The following RBFOX1 variants were observed in gnomAD, a reference collection of about 807,000 sequenced individuals.
The protein encoded by RBFOX1 is RNA binding fox-1 homolog 1.
Under a neutral mutation model 57.7 loss-of-function variants are expected in RBFOX1, and 8 were observed. The ratio of observed to expected loss-of-function variants is 0.14; its 90% confidence interval spans 0.08 to 0.25. The LOEUF is 0.25. Among genes scored for constraint, RBFOX1 ranks in the 10% least tolerant of loss-of-function variants. The probability of loss-of-function intolerance (pLI) is 1.00; values close to 1 mark genes in which losing one functional copy is unlikely to be tolerated. For synonymous variants in RBFOX1, 326 were observed against 222.4 expected (o/e 1.47, Z -4.15); for missense variants, 611 against 548.5 (o/e 1.11, Z -1.14).
intron 4 of RBFOX1, among the ~76,000 whole-genome samples, chr16:7,206,883 G>A (rs936384158): frequency 3.9e-5 from 6 of 152,106 alleles, no homozygotes; most frequent in East Asian, 1.9e-4. Flanking sequence ...TGGAGAAACC[G>A]TCTTAACTTG....
At chr16:6,781,537 C>T (rs2154236169) in intron 3 of RBFOX1, among the ~76,000 whole-genome samples, 1 of 152,240 alleles carries the variant, frequency 6.6e-6, no homozygotes, top group Non-Finnish European at 1.5e-5. Flanking sequence ...TAGAATTCAA[C>T]AGTGAAGCCA....
At chr16:6,563,189 T>C (rs1264503848) in intron 2 of RBFOX1, among the ~76,000 whole-genome samples, 5 of 152,172 alleles carry the variant, frequency 3.3e-5, no homozygotes, top group Non-Finnish European at 7.3e-5. Flanking sequence ...TCTCTCTGAA[T>C]TAGTTCTAGT....
intron 2 of RBFOX1, among the ~76,000 whole-genome samples, chr16:6,642,599 A>G (rs1169329580): frequency 2.6e-5 from 4 of 152,088 alleles, no homozygotes; most frequent in African/African-American, 9.7e-5. Context: ...CACACTCCAA[A>G]AAAAAAGTAA....
rs374486427 is a variant in RBFOX1, at chr16:5,575,056, T to G, written c.259-23846T>G. ...TTGTGATAATCAGGGCCATTCACCT[T>G]GTGATATAACAGCATCTCCTGAAGG... On this transcript the variant is annotated intron_variant, in intron 2 of 2. Coordinates refer to the RBFOX1 transcript ENST00000585867. Among the ~76,000 whole-genome samples, 12 of 152,316 alleles carry G rather than the reference T, an allele frequency of 7.9e-5. No individual in the cohort carries two copies. The East Asian group carries it at 2.1e-3, about 27-fold the overall frequency.
chr16:6,012,672 T>C (rs528741651), intron 4 of RBFOX1, among the ~76,000 whole-genome samples: 2 of 152,304 alleles, frequency 1.3e-5, no homozygotes, highest in East Asian at 3.9e-4. Context: ...TGCAGCAGTA[T>C]GGTAGTTTTG....
intron 4 of RBFOX1, among the ~76,000 whole-genome samples, chr16:7,285,468 C>T (rs2095632295): frequency 6.6e-6 from 1 of 151,810 alleles, no homozygotes; most frequent in South Asian, 2.1e-4. Context: ...GTCTGTGCAT[C>T]CAACACCACA....
chr16:5,632,514 G>A (rs1403577075), intron 3 of RBFOX1: 1 of 152,202 alleles, frequency 6.6e-6, no homozygotes, highest in Admixed American at 6.5e-5. Flanking sequence ...TTTTCAGCAA[G>A]GCAAGGGCTT....
chr16:6,372,532 A>G (rs2090588182), intron 2 of RBFOX1, among the ~76,000 whole-genome samples: 2 of 151,172 alleles, frequency 1.3e-5, no homozygotes, highest in Admixed American at 6.6e-5. Context: ...GCTGGTTAGG[A>G]TCTTTGGGTA....
chr16:7,174,827 A>G (rs1021762253), intron 4 of RBFOX1, among the ~76,000 whole-genome samples: 3 of 152,188 alleles, frequency 2.0e-5, no homozygotes, highest in Non-Finnish European at 2.9e-5. Flanking sequence ...GTATTTTTCC[A>G]AAGCGGTTGC....
intron 2 of RBFOX1, among the ~76,000 whole-genome samples, chr16:6,400,256 C>T (rs999669710): frequency 6.6e-6 from 1 of 152,074 alleles, no homozygotes; most frequent in Non-Finnish European, 1.5e-5. Context: ...ACTATGTTTT[C>T]TGGCAACAAT....
intron 3 of RBFOX1, among the ~76,000 whole-genome samples, chr16:6,958,038 G>A (rs1314852010): frequency 1.3e-5 from 2 of 152,158 alleles, no homozygotes; most frequent in Admixed American, 1.3e-4. Context: ...CAGGAGGCAT[G>A]GTTCATCGAG....
At chr16:6,724,616 AT>A (rs1455701681) in intron 3 of RBFOX1, among the ~76,000 whole-genome samples, 39 of 152,268 alleles carry the variant, frequency 2.6e-4, no homozygotes, top group South Asian at 8.3e-4. Flanking sequence ...AATTTCTGTT[AT>A]TTAGAAGCCA....
chr16:6,138,658 G>C, intron 1 of RBFOX1, among the ~76,000 whole-genome samples: 1 of 152,102 alleles, frequency 6.6e-6, no homozygotes, highest in Non-Finnish European at 1.5e-5. Flanking sequence ...ACGAGGTCAG[G>C]AGATCGACAC....
intron 3 of RBFOX1, among the ~76,000 whole-genome samples, chr16:6,872,773 A>G (rs182188074): frequency 2.2e-4 from 33 of 152,278 alleles, no homozygotes; most frequent in Admixed American, 7.8e-4. Flanking sequence ...AAAATAAAAT[A>G]ACTGAGATAA....
chr16:6,706,860 ATCTATCTCC>A (rs1456493790), intron 3 of RBFOX1, among the ~76,000 whole-genome samples: 8 of 152,126 alleles, frequency 5.3e-5, no homozygotes, highest in African/African-American at 1.7e-4. Context: ...TGGTGTAGGT[ATCTATCTCC>A]TCTATGTGTC....
intron 4 of RBFOX1, among the ~76,000 whole-genome samples, chr16:5,868,039 A>C (rs2057384170): frequency 6.6e-6 from 1 of 152,154 alleles, no homozygotes; most frequent in African/African-American, 2.4e-5. Context: ...TCAGTCTCCA[A>C]GGCATGAAAG....
At chr16:6,030,400 A>G (rs1373045822) in intron 1 of RBFOX1, among the ~76,000 whole-genome samples, 1 of 152,182 alleles carries the variant, frequency 6.6e-6, no homozygotes, top group Non-Finnish European at 1.5e-5. Flanking sequence ...AGCTGATTTT[A>G]TAGTTCAGTC....
At chr16:6,351,013 A>G (rs1599936213) in intron 2 of RBFOX1, among the ~76,000 whole-genome samples, 1 of 152,170 alleles carries the variant, frequency 6.6e-6, no homozygotes, top group Admixed American at 6.6e-5. Context: ...CAACTTGTGC[A>G]AAGTTGTGAT....
At chr16:5,758,228 G>A (rs759102151) in intron 3 of RBFOX1, among the ~76,000 whole-genome samples, 2 of 152,156 alleles carry the variant, frequency 1.3e-5, no homozygotes, top group South Asian at 2.1e-4. Flanking sequence ...ACATGTTCTC[G>A]ATTCTTCACT....
Sources: allele counts gnomAD v4.1 joint callset (sites outside exome capture counted in the v4.1 genomes callset), GRCh38; gene constraint gnomAD v4.1.1; transcripts MANE v1.5; gene names NCBI Gene and HGNC (gene_info 2026-07-23, HGNC 2026-07-21).